CALN1: variants seen among roughly 807,000 people sequenced by gnomAD.
CALN1 encodes the protein calneuron 1, also known as calcium-binding protein 8.
In CALN1, 17 loss-of-function variants were observed where a neutral mutation model predicts 30.6. The ratio of observed to expected loss-of-function variants is 0.56; its 90% CI spans 0.38 to 0.83. The LOEUF (loss-of-function observed/expected upper bound fraction) is 0.83. Ranked by LOEUF, CALN1 falls within the 40% of genes least tolerant of loss-of-function variation. CALN1 has a pLI of 0.00. For synonymous variants in CALN1, 156 were observed against 131.4 expected (o/e 1.19, Z -1.28); for missense variants, 291 against 354.9 (o/e 0.82, Z 1.45).
At chr7:72,384,215 A>C (rs1378054610) in intron 2 of CALN1, among the ~76,000 whole-genome samples, 1 of 152,202 alleles carries the variant, frequency 6.6e-6, no homozygotes, top group Non-Finnish European at 1.5e-5. Context: ...GACTTACATA[A>C]AACTGTCTCT....
chr7:72,053,634 T>C (rs1802981311), intron 4 of CALN1, among the ~76,000 whole-genome samples: 2 of 68,916 alleles, frequency 2.9e-5, no homozygotes, highest in Non-Finnish European at 5.4e-5. Flanking sequence ...TATCAAAGTT[T>C]ATCTATTTTT....
intron 3 of CALN1, among the ~76,000 whole-genome samples, chr7:72,258,863 G>A (rs537712552): frequency 3.6e-4 from 54 of 151,038 alleles, no homozygotes; most frequent in Admixed American, 1.4e-3. Context: ...GAGCAGCCTG[G>A]CCAACATGGT....
chr7:72,344,655 TATATAA>T (rs1802536772), intron 2 of CALN1, among the ~76,000 whole-genome samples: 1 of 146,884 alleles, frequency 6.8e-6, no homozygotes, highest in Admixed American at 6.8e-5. Context: ...TTTTTTTATT[TATATAA>T]ATATATATTT....
chr7:72,300,956 C>T (rs10267124), intron 2 of CALN1, among the ~76,000 whole-genome samples: 41,503 of 151,934 alleles, frequency 0.27, 6,651 homozygotes, highest in Non-Finnish European at 0.37. Context: ...ATCATGCCAC[C>T]ACACTCCAGC....
At chr7:71,989,355 C>T (rs1357044873) in intron 5 of CALN1, among the ~76,000 whole-genome samples, 2 of 151,958 alleles carry the variant, frequency 1.3e-5, no homozygotes, top group African/African-American at 4.8e-5. Flanking sequence ...AGAGAACTGC[C>T]TGAAGCCAGG....
intron 3 of CALN1, among the ~76,000 whole-genome samples, chr7:72,137,549 A>G (rs185978689): frequency 4.7e-4 from 72 of 152,324 alleles, no homozygotes; most frequent in Non-Finnish European, 8.4e-4. Context: ...AAAAACAAAC[A>G]AACAAAACAA....
chr7:72,038,672 A>G lies in CALN1; in HGVS notation c.389-14903T>C, dbSNP rs145551267. ...ACAGGTCATAAAGACCTTGCTGATA[A>G]AACAGATTGCAGTAAAGAAACCAGC... is the stretch of plus-strand genomic sequence containing the variant. On this transcript the variant is annotated intron_variant, in intron 4 of 6. Coordinates refer to ENST00000395275, the MANE Select transcript of CALN1 (RefSeq NM_031468.4). Among the ~76,000 whole-genome samples the G allele has an allele frequency of 7.4e-3, 1,131 of 152,294 alleles. 6 individuals carry two copies. Among genetic ancestry groups the G allele is most frequent in the Non-Finnish European group, 9.8e-3 (669 of 68,008 alleles).
intron 2 of CALN1, among the ~76,000 whole-genome samples, chr7:72,341,965 T>C: frequency 6.6e-6 from 1 of 151,616 alleles, no homozygotes; most frequent in Non-Finnish European, 1.5e-5. Context: ...GCCTCAGAAG[T>C]AGAGAAGGCT....
intron 1 of CALN1, among the ~76,000 whole-genome samples, chr7:72,429,511 A>G (rs532380616): frequency 8.5e-5 from 13 of 152,194 alleles, no homozygotes; most frequent in Non-Finnish European, 1.9e-4. Flanking sequence ...TCAACGGAGG[A>G]CATGGTTTTA....
At chr7:72,006,297 A>G (rs844737) in intron 5 of CALN1, among the ~76,000 whole-genome samples, 2,868 of 152,330 alleles carry the variant, frequency 0.019, 105 homozygotes, top group African/African-American at 0.066. Flanking sequence ...ATGAAGGTAA[A>G]GAAAATCAGT....
At chr7:72,179,671 C>T (rs567301237) in intron 3 of CALN1, among the ~76,000 whole-genome samples, 3 of 152,186 alleles carry the variant, frequency 2.0e-5, no homozygotes, top group Admixed American at 6.5e-5. Flanking sequence ...CTAAATGAAT[C>T]GCCATATAAC....
intron 4 of CALN1, among the ~76,000 whole-genome samples, chr7:72,049,932 C>A (rs546931706): frequency 1.3e-5 from 2 of 151,168 alleles, no homozygotes; most frequent in Admixed American, 6.6e-5. Context: ...GCCTCAGGCT[C>A]GTGAGTAGCT....
chr7:72,151,910 C>CT (rs369752622), intron 3 of CALN1, among the ~76,000 whole-genome samples: 23,241 of 132,790 alleles, frequency 0.18, 2,234 homozygotes, highest in East Asian at 0.28. Flanking sequence ...TTATTCTTTT[C>CT]TTTTTTTTTT....
intron 2 of CALN1, among the ~76,000 whole-genome samples, chr7:72,375,427 T>C (rs758394881): frequency 6.6e-6 from 1 of 151,846 alleles, no homozygotes. Context: ...TAGTCAAGTG[T>C]GGTGGTGCAC....
chr7:72,502,805 T>C, the CALN1 span, among the ~76,000 whole-genome samples: 1 of 152,168 alleles, frequency 6.6e-6, no homozygotes, highest in African/African-American at 2.4e-5. Flanking sequence ...TTTATTTTCC[T>C]TGGAGTTCAT....
At chr7:72,314,705 G>A (rs1163548734) in intron 2 of CALN1, among the ~76,000 whole-genome samples, 1 of 151,652 alleles carries the variant, frequency 6.6e-6, no homozygotes, top group African/African-American at 2.4e-5. Flanking sequence ...GTGAGCCACC[G>A]TGCCCGGCCA....
chr7:72,111,875 T>C (rs1356509615), intron 3 of CALN1, among the ~76,000 whole-genome samples: 2 of 151,916 alleles, frequency 1.3e-5, no homozygotes, highest in East Asian at 1.9e-4. Flanking sequence ...CTCAGCCTCA[T>C]GAATAGCTGG....
intron 5 of CALN1, among the ~76,000 whole-genome samples, chr7:72,002,116 T>C (rs1799556096): frequency 6.6e-6 from 1 of 152,220 alleles, no homozygotes; most frequent in African/African-American, 2.4e-5. Flanking sequence ...TCTATAAGAT[T>C]GGGAAGGAGC....
intron 2 of CALN1, among the ~76,000 whole-genome samples, chr7:72,389,206 A>C (rs565572092): frequency 3.7e-4 from 57 of 152,198 alleles, no homozygotes; most frequent in African/African-American, 1.3e-3. Context: ...ATTCACATCA[A>C]ACACCCCCTG....
Sources: gnomAD v4.1 joint callset for allele counts (sites outside exome capture counted in the v4.1 genomes callset) on GRCh38, gnomAD v4.1.1 for gene constraint, MANE v1.5 for transcripts, NCBI Gene and HGNC (gene_info 2026-07-23, HGNC 2026-07-21) for gene names.